Variants in CNBD1 observed in about 807,000 individuals in gnomAD.
The protein encoded by CNBD1 is cyclic nucleotide-binding domain-containing protein 1.
CNBD1 carries 71 observed loss-of-function variants against 54.4 expected under a neutral mutation model. That is an observed-to-expected ratio of 1.30 (90% confidence interval 1.08 to 1.59). The LOEUF is 1.59. Ranked by LOEUF, CNBD1 falls within the 40% of genes most tolerant of loss-of-function variation. CNBD1 has a pLI of 0.00. For synonymous variants in CNBD1, 182 were observed against 170.7 expected, an observed-to-expected ratio of 1.07 and a Z score of -0.51; for missense variants, 659 against 518.0, an observed-to-expected ratio of 1.27 and a Z score of -2.64.
At chr8:87,115,375 T>C (rs939962634) in intron 4 of CNBD1, among the ~76,000 whole-genome samples, 1 of 152,232 alleles carries the variant, frequency 6.6e-6, no homozygotes, top group Admixed American at 6.5e-5. Flanking sequence ...ATTTGTTGTG[T>C]AGATTAAGGT....
intron 10 of CNBD1, among the ~76,000 whole-genome samples, chr8:87,364,763 A>T (rs1217072287): frequency 2.0e-5 from 3 of 151,942 alleles, no homozygotes; most frequent in African/African-American, 7.2e-5. Context: ...CTGTTCCTGC[A>T]TTAATTTATA....
intron 2 of CNBD1, among the ~76,000 whole-genome samples, chr8:87,396,904 T>TTC (rs1554586796): frequency 6.6e-6 from 1 of 150,942 alleles, no homozygotes; most frequent in African/African-American, 2.4e-5. Context: ...TTTTTTTTTT[T>TTC]CAAGTAGTTC....
intron 4 of CNBD1, among the ~76,000 whole-genome samples, chr8:87,155,291 C>T (rs1203825340): frequency 6.6e-6 from 1 of 152,008 alleles, no homozygotes; most frequent in Non-Finnish European, 1.5e-5. Flanking sequence ...TGTCTTTATC[C>T]TGTAGATAAT....
At chr8:87,385,101 G>C (rs1195685561), downstream of CNBD1, among the ~76,000 whole-genome samples, 2 of 152,098 alleles carry the variant, frequency 1.3e-5, no homozygotes. Flanking sequence ...TCATTTGGGA[G>C]GGCATTAAAA....
chr8:87,149,316 T>C (rs1261151990), intron 4 of CNBD1, among the ~76,000 whole-genome samples: 4 of 152,214 alleles, frequency 2.6e-5, no homozygotes, highest in Non-Finnish European at 5.9e-5. Context: ...ATAGTCAGAC[T>C]ATTGGCAAGA....
rs1809591466 is a variant in CNBD1 at position 87,323,531 on chromosome 8, T to A, written c.1043-28154T>A. ...GAGGTCCTTCACATCCCTTGTAAGTTGGATTCCTAGGTATTTTATTCTCTT... is the reference window on the plus strand; with the variant it reads ...GAGGTCCTTCACATCCCTTGTAAGTAGGATTCCTAGGTATTTTATTCTCTT... On this transcript the variant is annotated intron_variant, in intron 8 of 10. Transcript: ENST00000518476. 1.6e-5 allele frequency among the ~76,000 whole-genome samples: 2 copies of A among 121,380 alleles called. 1 individual carries two copies. Among genetic ancestry groups the A allele is most frequent in the Non-Finnish European group, 3.7e-5 (2 of 54,376 alleles). 79.6% of individuals were successfully genotyped at this position (121,380 alleles called of 152,430 possible). A position where few individuals can be genotyped will look rare whatever the true frequency, so the allele number is the denominator to read the frequency against.
chr8:87,168,314 G>A (rs1158100105), intron 4 of CNBD1, among the ~76,000 whole-genome samples: 1 of 151,916 alleles, frequency 6.6e-6, no homozygotes, highest in Admixed American at 6.6e-5. Context: ...CATAGTAAAA[G>A]AATGTATTTA....
intron 4 of CNBD1, among the ~76,000 whole-genome samples, chr8:87,014,067 C>T (rs1413454157): frequency 2.0e-5 from 3 of 151,394 alleles, no homozygotes; most frequent in African/African-American, 7.3e-5. Flanking sequence ...TGTGTGTATA[C>T]AATATTTTCA....
chr8:86,925,839 T>C (rs73269862), intron 3 of CNBD1, among the ~76,000 whole-genome samples: 1,932 of 151,878 alleles, frequency 0.013, 24 homozygotes, highest in South Asian at 0.032. Flanking sequence ...ACTTCAAGAA[T>C]GGAGCCACGG....
rs1386946908 is a variant in CNBD1, at chr8:87,281,435, A to G, written c.772-3243A>G. Among the ~76,000 whole-genome samples, 6 of 150,676 alleles carry G rather than the reference A, an allele frequency of 4.0e-5. 1 individual carries two copies. The South Asian group carries it at 6.2e-4, about 16-fold the overall frequency. On this transcript the variant is annotated intron_variant, in intron 6 of 10. Coordinates refer to ENST00000518476, the MANE Select transcript of CNBD1 (RefSeq NM_173538.3). ...AATTGACGCTGGCATTTAAACAACT[A>G]CATACACATATGGATTACTGTTTTT...
intron 8 of CNBD1, among the ~76,000 whole-genome samples, chr8:87,289,004 T>C (rs1180011584): frequency 6.6e-6 from 1 of 152,106 alleles, no homozygotes; most frequent in Non-Finnish European, 1.5e-5. Context: ...AAGAGAGGAA[T>C]TGGATTATAA....
chr8:87,374,435 C>T (rs545657247), intron 10 of CNBD1, among the ~76,000 whole-genome samples: 94 of 151,726 alleles, frequency 6.2e-4, no homozygotes, highest in Non-Finnish European at 1.2e-3. Flanking sequence ...AAATCAAGAT[C>T]CTAATAAGGG....
At chr8:87,284,302 A>T (rs937054065) in intron 6 of CNBD1, among the ~76,000 whole-genome samples, 1 of 152,094 alleles carries the variant, frequency 6.6e-6, no homozygotes, top group African/African-American at 2.4e-5. Flanking sequence ...CATTTTTGTT[A>T]TTACTGAATA....
At chr8:87,314,307 A>AT (rs66473044) in intron 8 of CNBD1, among the ~76,000 whole-genome samples, 68 of 151,512 alleles carry the variant, frequency 4.5e-4, no homozygotes, top group Admixed American at 3.4e-3. Flanking sequence ...AAAGCATCTC[A>AT]TTTTTTAAAA....
At chr8:87,264,362 T>C (rs985578089) in intron 6 of CNBD1, among the ~76,000 whole-genome samples, 2 of 152,170 alleles carry the variant, frequency 1.3e-5, no homozygotes, top group Non-Finnish European at 2.9e-5. Flanking sequence ...TATTCCATGG[T>C]GTATATGTGC....
At chr8:86,906,787 C>A (rs1278952218) in intron 3 of CNBD1, among the ~76,000 whole-genome samples, 1 of 152,148 alleles carries the variant, frequency 6.6e-6, no homozygotes, top group African/African-American at 2.4e-5. Context: ...CAGGGAGGCA[C>A]CCAGTGGCTG....
intron 1 of CNBD1, among the ~76,000 whole-genome samples, chr8:86,869,622 A>C (rs551430310): frequency 9.2e-5 from 14 of 152,242 alleles, no homozygotes; most frequent in African/African-American, 2.9e-4. Context: ...CTGTCTCAGG[A>C]TTCTTCACAG....
intron 5 of CNBD1, among the ~76,000 whole-genome samples, chr8:87,228,495 C>G (rs1477133227): frequency 6.7e-6 from 1 of 149,162 alleles, no homozygotes; most frequent in Non-Finnish European, 1.5e-5. Context: ...TTGGAGTACC[C>G]TGCGGTGTGA....
At chr8:87,406,715 T>C (rs1243810490) in intron 2 of CNBD1, among the ~76,000 whole-genome samples, 1 of 151,964 alleles carries the variant, frequency 6.6e-6, no homozygotes, top group Non-Finnish European at 1.5e-5. Flanking sequence ...GCTGACCTTG[T>C]GATCTGCCAG....
Sources: gnomAD v4.1 joint callset for allele counts (sites outside exome capture counted in the v4.1 genomes callset) on GRCh38, gnomAD v4.1.1 for gene constraint, MANE v1.5 for transcripts, NCBI Gene and HGNC (gene_info 2026-07-23, HGNC 2026-07-21) for gene names.